The following KSR2 variants were observed in gnomAD, a reference collection of about 807,000 sequenced individuals.
KSR2 encodes the protein kinase suppressor of ras 2.
A neutral mutation model predicts 107.8 loss-of-function variants in KSR2; 25 were observed. The observed-to-expected ratio is 0.23, with a 90% CI of 0.17 to 0.32. KSR2 has a LOEUF of 0.32. Ranked by LOEUF, KSR2 falls within the 10% of genes least tolerant of loss-of-function variation. The pLI is 1.00. For missense variants in KSR2, 887 were observed against 1,268.9 expected (o/e 0.70, Z 4.57); for synonymous variants, 480 against 507.0 (o/e 0.95, Z 0.71).
intron 3 of KSR2, among the ~76,000 whole-genome samples, chr12:117,790,932 C>T (rs1437512985): frequency 6.6e-6 from 1 of 152,168 alleles, no homozygotes; most frequent in Non-Finnish European, 1.5e-5. Context: ...CTCTGACTCC[C>T]CTCTAGCTCC....
At chr12:117,690,501 G>A (rs1323208728) in intron 4 of KSR2, among the ~76,000 whole-genome samples, 1 of 151,574 alleles carries the variant, frequency 6.6e-6, no homozygotes. Context: ...GGAGGCGGAG[G>A]TTGCAGTGAG....
chr12:117,934,997 T>A (rs1013452370), intron 1 of KSR2, among the ~76,000 whole-genome samples: 3 of 149,048 alleles, frequency 2.0e-5, no homozygotes, highest in South Asian at 2.1e-4. Flanking sequence ...AGCTAATTTT[T>A]AAAAATTTTT....
rs1398936624 is a variant in KSR2 at position 117,460,096 on chromosome 12, AC to A, written c.*7102del. On this transcript the variant is annotated 3_prime_UTR_variant, in exon 20 of 20. Coordinates refer to ENST00000339824, the MANE Select transcript of KSR2 (RefSeq NM_173598.6). ...ATTTCCAATGCATGCTTGTCCCAGG[AC>A]CCTTTCAATAATGCAAATCCGGCGA... 6.6e-6 allele frequency: 1 copy of A among 152,204 alleles called. No individual in the cohort carries two copies. The allele number at this position is 152,204 out of a possible 1,614,324, so 9.4% of individuals were successfully genotyped here.
At chr12:117,862,722 C>G (rs1893343245) in intron 1 of KSR2, among the ~76,000 whole-genome samples, 1 of 130,748 alleles carries the variant, frequency 7.6e-6, no homozygotes, top group African/African-American at 3.2e-5. Flanking sequence ...GGTCTCCATT[C>G]CCCCCCTTTT....
chr12:117,933,780 G>T (rs543324881), intron 1 of KSR2, among the ~76,000 whole-genome samples: 40 of 152,170 alleles, frequency 2.6e-4, no homozygotes, highest in Admixed American at 5.2e-4. Flanking sequence ...TCTTACCCTT[G>T]ATCCTCCCAG....
At chr12:117,837,795 G>A (rs915004540) in intron 3 of KSR2, among the ~76,000 whole-genome samples, 1 of 152,176 alleles carries the variant, frequency 6.6e-6, no homozygotes, top group Non-Finnish European at 1.5e-5. Context: ...AAGCTAAACT[G>A]AGCTCTGTTC....
chr12:117,896,742 G>A (rs1046160753), intron 1 of KSR2, among the ~76,000 whole-genome samples: 10 of 152,140 alleles, frequency 6.6e-5, no homozygotes, highest in African/African-American at 2.2e-4. Context: ...TTATAGGCAC[G>A]AGCCACCACA....
intron 10 of KSR2, among the ~76,000 whole-genome samples, chr12:117,537,898 C>T (rs1394664195): frequency 6.6e-6 from 1 of 152,176 alleles, no homozygotes; most frequent in African/African-American, 2.4e-5. Flanking sequence ...CCAGCAGATT[C>T]TTTAAGGGAT....
At chr12:117,859,142 T>TC in intron 2 of KSR2, among the ~76,000 whole-genome samples, 1 of 104,584 alleles carries the variant, frequency 9.6e-6, no homozygotes, top group East Asian at 2.0e-4. Context: ...AGCTGAACTT[T>TC]TTTTTTTTTT....
intron 3 of KSR2, among the ~76,000 whole-genome samples, chr12:117,817,869 G>A (rs1891428282): frequency 1.3e-5 from 2 of 152,194 alleles, no homozygotes; most frequent in African/African-American, 4.8e-5. Flanking sequence ...GGGAGGCCGA[G>A]GCAGGTGGAT....
chr12:117,573,124 T>G (rs1397956831), intron 7 of KSR2, among the ~76,000 whole-genome samples: 1 of 152,332 alleles, frequency 6.6e-6, no homozygotes, highest in South Asian at 2.1e-4. Context: ...TTAATCTCTC[T>G]ATTCAGAATG....
intron 4 of KSR2, among the ~76,000 whole-genome samples, chr12:117,716,213 C>T (rs149438038): frequency 1.3e-5 from 2 of 152,310 alleles, no homozygotes; most frequent in East Asian, 3.9e-4. Flanking sequence ...TCTCATTTGC[C>T]ATTTTATCCT....
chr12:117,737,866 C>T (rs756668867), intron 4 of KSR2, among the ~76,000 whole-genome samples: 6 of 149,518 alleles, frequency 4.0e-5, no homozygotes, highest in Non-Finnish European at 7.4e-5. Context: ...TCCAATGTGT[C>T]GGCCACACTT....
chr12:117,613,233 G>T (rs1461633878), intron 5 of KSR2, among the ~76,000 whole-genome samples: 1 of 152,174 alleles, frequency 6.6e-6, no homozygotes, highest in Non-Finnish European at 1.5e-5. Context: ...AAAGCAATTT[G>T]TTGCAATCTA....
chr12:117,791,359 C>T (rs1334426549), intron 3 of KSR2, among the ~76,000 whole-genome samples: 1 of 152,152 alleles, frequency 6.6e-6, no homozygotes, highest in East Asian at 1.9e-4. Context: ...TTTTCACAGC[C>T]CTGAGTCATT....
chr12:117,476,111 G>A (rs1228740249), intron 17 of KSR2, among the ~76,000 whole-genome samples: 1 of 152,244 alleles, frequency 6.6e-6, no homozygotes, highest in Non-Finnish European at 1.5e-5. Flanking sequence ...CAGTGGCTAA[G>A]TTTTGGGGTA....
intron 3 of KSR2, among the ~76,000 whole-genome samples, chr12:117,831,159 A>C (rs1294402411): frequency 6.6e-6 from 1 of 152,122 alleles, no homozygotes; most frequent in East Asian, 1.9e-4. Flanking sequence ...AACTTGCTTC[A>C]TTTCACTCTT....
chr12:117,772,530 TACATACAC>T (rs1889532954), intron 3 of KSR2, among the ~76,000 whole-genome samples: 1 of 47,132 alleles, frequency 2.1e-5, no homozygotes, highest in Admixed American at 2.5e-4. Flanking sequence ...CACACACTCA[TACATACAC>T]ACCATTCCAC....
intron 5 of KSR2, among the ~76,000 whole-genome samples, chr12:117,666,901 T>C (rs1884680725): frequency 6.6e-6 from 1 of 152,138 alleles, no homozygotes; most frequent in South Asian, 2.1e-4. Context: ...AAAGTTCCAT[T>C]TCCGCTCCAA....
Sources: allele counts gnomAD v4.1 joint callset (sites outside exome capture counted in the v4.1 genomes callset), GRCh38; gene constraint gnomAD v4.1.1; transcripts MANE v1.5; gene names NCBI Gene and HGNC (gene_info 2026-07-23, HGNC 2026-07-21).